Variants in WWOX observed in about 807,000 individuals in gnomAD.
WWOX encodes WW domain-containing oxidoreductase.
In WWOX, 69 loss-of-function variants were observed where a neutral mutation model predicts 46.2. The observed-to-expected ratio is 1.49, with a 90% CI of 1.23 to 1.82. The LOEUF is 1.82. WWOX is among the 40% of genes most tolerant of loss of function. WWOX has a pLI of 0.00. For synonymous variants in WWOX, 359 were observed against 202.6 expected, an observed-to-expected ratio of 1.77 and a Z score of -6.56; for missense variants, 919 against 542.6, an observed-to-expected ratio of 1.69 and a Z score of -6.89.
chr16:78,433,420 G>A (rs944829769), intron 8 of WWOX, among the ~76,000 whole-genome samples: 16 of 152,154 alleles, frequency 1.1e-4, no homozygotes, highest in Non-Finnish European at 2.2e-4. Flanking sequence ...GGTTTTAGTA[G>A]GAAGTATTTT....
At chr16:78,614,962 C>T (rs1207086535) in intron 8 of WWOX, among the ~76,000 whole-genome samples, 2 of 152,240 alleles carry the variant, frequency 1.3e-5, no homozygotes, top group Admixed American at 6.5e-5. Context: ...TCAGTTGATA[C>T]ATGTTTAATC....
At chr16:79,176,189 C>T (rs1287284317) in intron 8 of WWOX, among the ~76,000 whole-genome samples, 4 of 152,142 alleles carry the variant, frequency 2.6e-5, no homozygotes, top group African/African-American at 9.7e-5. Flanking sequence ...CTGAAACCCC[C>T]AAAGGGGGAT....
chr16:78,332,035 C>G (rs966370118), intron 5 of WWOX, among the ~76,000 whole-genome samples: 2 of 152,180 alleles, frequency 1.3e-5, no homozygotes, highest in Non-Finnish European at 2.9e-5. Flanking sequence ...TTTAGCTGCT[C>G]TCAGGGAGTC....
intron 8 of WWOX, among the ~76,000 whole-genome samples, chr16:78,727,595 G>A (rs2048867439): frequency 6.6e-6 from 1 of 152,176 alleles, no homozygotes; most frequent in Non-Finnish European, 1.5e-5. Context: ...TGCTACTGCT[G>A]TAGTTCATGA....
chr16:79,071,241 C>T (rs903245979), intron 8 of WWOX, among the ~76,000 whole-genome samples: 1 of 152,200 alleles, frequency 6.6e-6, no homozygotes, highest in African/African-American at 2.4e-5. Context: ...CTCCTAAGAG[C>T]ATTTATTATT....
intron 8 of WWOX, among the ~76,000 whole-genome samples, chr16:79,167,304 T>G (rs1028937621): frequency 8.5e-5 from 13 of 152,220 alleles, no homozygotes; most frequent in African/African-American, 3.1e-4. Flanking sequence ...GACAAAATGC[T>G]AACAATTCCA....
intron 8 of WWOX, among the ~76,000 whole-genome samples, chr16:79,076,291 C>T (rs989126240): frequency 3.9e-5 from 6 of 152,162 alleles, no homozygotes; most frequent in Admixed American, 3.9e-4. Flanking sequence ...ATCACTTTTT[C>T]CTAGTATCTG....
intron 5 of WWOX, among the ~76,000 whole-genome samples, chr16:78,316,251 G>A (rs185299876): frequency 1.3e-5 from 2 of 152,242 alleles, no homozygotes; most frequent in East Asian, 1.9e-4. Flanking sequence ...CAAAAAGGTG[G>A]CACTGCAGCA....
At chr16:78,135,151 C>T (rs1037376354) in intron 4 of WWOX, among the ~76,000 whole-genome samples, 1 of 152,212 alleles carries the variant, frequency 6.6e-6, no homozygotes, top group African/African-American at 2.4e-5. Context: ...CACCCTCAGG[C>T]TTCCCGTCTT....
intron 5 of WWOX, among the ~76,000 whole-genome samples, chr16:78,333,849 T>C (rs906242664): frequency 6.6e-6 from 1 of 152,228 alleles, no homozygotes; most frequent in African/African-American, 2.4e-5. Context: ...AGAAGTTTCA[T>C]TTAAGGTACT....
At chr16:78,767,724 A>G (rs147855248) in intron 8 of WWOX, among the ~76,000 whole-genome samples, 7 of 152,104 alleles carry the variant, frequency 4.6e-5, no homozygotes, top group African/African-American at 9.6e-5. Flanking sequence ...CATCTACCCA[A>G]TACTTATTTT....
chr16:78,613,871 C>T (rs963404252), intron 8 of WWOX, among the ~76,000 whole-genome samples: 1 of 152,188 alleles, frequency 6.6e-6, no homozygotes, highest in South Asian at 2.1e-4. Flanking sequence ...CAGGGGTCAG[C>T]AAATTCACAG....
intron 5 of WWOX, among the ~76,000 whole-genome samples, chr16:78,231,611 C>T (rs1252090808): frequency 5.3e-5 from 8 of 152,116 alleles, no homozygotes; most frequent in African/African-American, 7.2e-5. Context: ...TCATTGTTAA[C>T]GTGGCATCGG....
At chr16:78,481,244 G>C (rs961173433) in intron 8 of WWOX, among the ~76,000 whole-genome samples, 1 of 152,128 alleles carries the variant, frequency 6.6e-6, no homozygotes, top group Non-Finnish European at 1.5e-5. Context: ...TGATGAAAGC[G>C]TACTTCCATC....
chr16:78,859,172 C>G (rs565800137), intron 8 of WWOX, among the ~76,000 whole-genome samples: 1 of 150,468 alleles, frequency 6.6e-6, no homozygotes, highest in East Asian at 2.0e-4. Flanking sequence ...GAACCCTCCA[C>G]CTTTGCAGAG....
intron 8 of WWOX, among the ~76,000 whole-genome samples, chr16:78,457,674 G>T (rs1344893726): frequency 2.0e-5 from 3 of 152,064 alleles, no homozygotes; most frequent in Non-Finnish European, 4.4e-5. Context: ...AGCACTTTGG[G>T]AGGCCGAGGC....
At chr16:78,157,064 T>G (rs12445393) in intron 4 of WWOX, among the ~76,000 whole-genome samples, 21,052 of 152,130 alleles carry the variant, frequency 0.14, 1,580 homozygotes, top group South Asian at 0.21. Context: ...TCCACTCTCT[T>G]ACATCTTTTT....
intron 8 of WWOX, among the ~76,000 whole-genome samples, chr16:79,089,333 CTTTT>C (rs11309218): frequency 3.0e-5 from 4 of 132,516 alleles, no homozygotes. Context: ...AGGTGGGGAC[CTTTT>C]TTTTTTTTTT....
intron 8 of WWOX, among the ~76,000 whole-genome samples, chr16:78,618,671 C>T (rs563337824): frequency 1.3e-5 from 2 of 152,162 alleles, no homozygotes; most frequent in South Asian, 2.1e-4. Flanking sequence ...CAACAGGATC[C>T]ATGTTTGATC....
Sources: allele counts gnomAD v4.1 joint callset (sites outside exome capture counted in the v4.1 genomes callset), GRCh38; gene constraint gnomAD v4.1.1; transcripts MANE v1.5; gene names NCBI Gene and HGNC (gene_info 2026-07-23, HGNC 2026-07-21).